The following RAB32 variants were observed in gnomAD, a reference collection of about 807,000 sequenced individuals.
The protein encoded by RAB32 is ras-related protein Rab-32.
Under a neutral mutation model 17.5 loss-of-function variants are expected in RAB32, and 17 were observed. The observed-to-expected ratio is 0.97, with a 90% CI of 0.67 to 1.46. The LOEUF (loss-of-function observed/expected upper bound fraction) is 1.46, where lower values mean the gene tolerates loss of function less well. Among genes scored for constraint, RAB32 ranks in the 40% most tolerant of loss-of-function variants. The pLI, the probability that RAB32 is intolerant of heterozygous loss-of-function variation, is 0.00. For synonymous variants in RAB32, 115 were observed against 111.1 expected (o/e 1.04, Z -0.22); for missense variants, 288 against 284.3 (o/e 1.01, Z -0.09).
At chr6:146,552,216 A>G (rs908797995) in intron 2 of RAB32, among the ~76,000 whole-genome samples, 3 of 152,204 alleles carry the variant, frequency 2.0e-5, no homozygotes, top group African/African-American at 7.2e-5. Flanking sequence ...TAGTTACACT[A>G]TCATTGGAAT....
In RAB32 at chr6:146,543,944, CTCTTCAAGGTGCTGGT is replaced by C; in HGVS notation, c.74_89del (p.Leu25ArgfsTer62). The C allele has an allele frequency of 6.2e-7, 1 of 1,612,112 alleles. No homozygotes were observed. The highest frequency in any genetic ancestry group is 1.7e-5 in the Admixed American group (1 of 59,908). ...CCCAGCGCCCGAGACCCGCGAGCAC[CTCTTCAAGGTGCTGGT>C]GATCGGCGAGCTTGGCGTGGGCAAG... On this transcript the variant is annotated frameshift_variant, in exon 1 of 3. Coordinates refer to ENST00000367495, the MANE Select transcript of RAB32 (RefSeq NM_006834.5). LOFTEE classifies it high-confidence loss of function.
In RAB32 at chr6:146,554,558, C is replaced by G; in HGVS notation, c.631C>G (p.Leu211Val). Residue 211 changes from leucine to valine, a missense_variant, in exon 3 of 3, where the codon CTA (leucine) becomes GTA (valine). Leu to Val is a conservative substitution (Grantham distance 32). Coordinates refer to ENST00000367495, the MANE Select transcript of RAB32 (RefSeq NM_006834.5). The stretch of plus-strand genomic sequence containing the variant: ...AGAAAACGATGTGGACAAAATTAAG[C>G]TAGATCAAGAGACCTTGAGAGCAGA... Reference protein sequence around the residue: ...NEENDVDKIKLDQETLRAENK... With the variant: ...NEENDVDKIKVDQETLRAENK... The G allele has an allele frequency of 1.2e-6, 2 of 1,613,808 alleles. No homozygotes were observed. The highest frequency in any genetic ancestry group is 1.7e-5 in the Admixed American group (1 of 59,984).
chr6:146,546,988 G>A (rs143411525), intron 1 of RAB32, among the ~76,000 whole-genome samples: 51 of 152,130 alleles, frequency 3.4e-4, no homozygotes, highest in African/African-American at 6.0e-4. Context: ...CTGTTCTTAC[G>A]GCATTGAAGG....
Position 146,543,893 on chromosome 6 carries a change from G to T in RAB32, c.22G>T (p.Asp8Tyr). The T allele has an allele frequency of 1.3e-6, 2 of 1,538,244 alleles. No homozygotes were observed. The highest frequency in any genetic ancestry group is 2.4e-5 in the South Asian group (2 of 82,610). Residue 8 changes from aspartate (D) to tyrosine (Y), a missense_variant, in exon 1 of 3, where the codon GAC becomes TAC. Asp to Tyr is a radical substitution (Grantham distance 160, BLOSUM62 -3). Coordinates refer to ENST00000367495, the MANE Select transcript of RAB32 (RefSeq NM_006834.5). Reference sequence around the variant, plus strand: ...GCTCATGGCGGGCGGAGGAGCCGGGGACCCCGGCCTGGGGGCGGCCGCCGC... The same window carrying T: ...GCTCATGGCGGGCGGAGGAGCCGGGTACCCCGGCCTGGGGGCGGCCGCCGC... MAGGGAG[D>Y]PGLGAAAAPA...
intron 2 of RAB32, 61 bp from the exon 3 acceptor site, chr6:146,554,395 A>C (rs967942847): frequency 2.6e-6 from 4 of 1,530,312 alleles, no homozygotes; most frequent in Non-Finnish European, 3.5e-6. Flanking sequence ...TCATACTCTT[A>C]ATGCCTTATT....
chr6:146,544,133 C>T lies in RAB32; in HGVS notation c.250+12C>T, dbSNP rs183557772. The T allele has an allele frequency of 1.9e-5, 30 of 1,602,856 alleles. No homozygotes were observed. The highest frequency in any genetic ancestry group is 2.7e-5 in the African/African-American group (2 of 74,514). On this transcript the variant is annotated intron_variant, in intron 1 of 2. Coordinates refer to ENST00000367495, the MANE Select transcript of RAB32 (RefSeq NM_006834.5). Reference sequence around the variant, plus strand: ...GTGGGACATCGCGGGTAAGCGCGGCCGCGAGTTTCCCACTCCAGAGCCCCG... The same window carrying T: ...GTGGGACATCGCGGGTAAGCGCGGCTGCGAGTTTCCCACTCCAGAGCCCCG...
chr6:146,549,783 A>G (rs753434810), intron 2 of RAB32, 42 bp downstream of exon 2: 2 of 1,583,140 alleles, frequency 1.3e-6, no homozygotes, highest in South Asian at 1.1e-5. Context: ...TTTCTAGCTC[A>G]TAATTCTGAG....
chr6:146,546,775 T>C (rs1445396587), intron 1 of RAB32, among the ~76,000 whole-genome samples: 1 of 149,808 alleles, frequency 6.7e-6, no homozygotes, highest in Non-Finnish European at 1.5e-5. Context: ...GTGTTTTTAC[T>C]AGTTAGGTTT....
At chr6:146,544,794 CT>C in intron 1 of RAB32, among the ~76,000 whole-genome samples, 1 of 146,936 alleles carries the variant, frequency 6.8e-6, no homozygotes, top group Non-Finnish European at 1.5e-5. Flanking sequence ...CCCCCCACTC[CT>C]CAATACAGTG....
intron 2 of RAB32, among the ~76,000 whole-genome samples, chr6:146,554,091 A>T (rs1316185770): frequency 2.0e-5 from 3 of 152,076 alleles, no homozygotes; most frequent in Non-Finnish European, 4.4e-5. Context: ...GTGTATCCTG[A>T]CTGCTTGAAT....
chr6:146,552,056 T>G (rs1779904290), intron 2 of RAB32, among the ~76,000 whole-genome samples: 1 of 152,230 alleles, frequency 6.6e-6, no homozygotes, highest in South Asian at 2.1e-4. Flanking sequence ...GACTTTTGCT[T>G]GAATTGCAGT....
chr6:146,551,294 G>T (rs552154913), intron 2 of RAB32, among the ~76,000 whole-genome samples: 1 of 152,158 alleles, frequency 6.6e-6, no homozygotes, highest in Non-Finnish European at 1.5e-5. Context: ...AATCTGACAC[G>T]AAGGAGAAAA....
chr6:146,545,609 A>G (rs761447892), intron 1 of RAB32, among the ~76,000 whole-genome samples: 2 of 152,238 alleles, frequency 1.3e-5, no homozygotes, highest in Admixed American at 6.5e-5. Flanking sequence ...GAATAACTGT[A>G]TGCAACTCAG....
At chr6:146,544,756 C>T (rs2114780730) in intron 1 of RAB32, among the ~76,000 whole-genome samples, 1 of 144,596 alleles carries the variant, frequency 6.9e-6, no homozygotes, top group East Asian at 2.0e-4. Context: ...CTAGTCCCAT[C>T]CCTGGTGCCC....
chr6:146,544,003 CT>C lies in RAB32; in HGVS notation c.133del (p.Tyr45ThrfsTer47). ...GVGKTSIIKR[Y>X]VHQLFSQHYR... ...TGGGCAAGACCAGCATCATCAAGCGCTACGTCCACCAGCTCTTCTCCCAGCA... is the reference window on the plus strand; with the variant it reads ...TGGGCAAGACCAGCATCATCAAGCGCACGTCCACCAGCTCTTCTCCCAGCA... On this transcript the variant is annotated frameshift_variant, in exon 1 of 3. Transcript: ENST00000367495. LOFTEE classifies it high-confidence loss of function. 6.2e-7 allele frequency: 1 copy of C among 1,613,916 alleles called. No homozygotes were observed. Among genetic ancestry groups the C allele is most frequent in the South Asian group, 1.1e-5 (1 of 91,076 alleles).
chr6:146,544,198 T>A, intron 1 of RAB32, 77 bp downstream of exon 1: 2 of 1,478,080 alleles, frequency 1.4e-6, no homozygotes, highest in Non-Finnish European at 1.8e-6. Flanking sequence ...TTCTTTTTCT[T>A]TTCTGCCTGA....
chr6:146,554,428 A>T (rs2114788547), intron 2 of RAB32, 28 bp from the exon 3 acceptor site: 3 of 1,579,368 alleles, frequency 1.9e-6, no homozygotes, highest in Non-Finnish European at 8.6e-7. Context: ...CCTAAAAATT[A>T]ATCCCGTTCT....
chr6:146,549,464 G>A lies in RAB32; in HGVS notation c.251G>A (p.Gly84Glu). The change falls in exon 2 of 3, where the codon GGG becomes GAG. Residue 84 changes from glycine (G) to glutamate (E), a missense_variant and splice_region_variant. By Grantham distance (98) the Gly-to-Glu change is moderately conservative (BLOSUM62 -2). Coordinates refer to ENST00000367495, the MANE Select transcript of RAB32 (RefSeq NM_006834.5). The stretch of plus-strand genomic sequence containing the variant: ...AATTTTTTCTTATATTTATGTCTAG[G>A]GCAGGAGCGATTTGGCAACATGACC... ...LVRLQLWDIA[G>E]QERFGNMTRV... 6.2e-7 allele frequency: 1 copy of A among 1,612,964 alleles called. No individual in the cohort carries two copies. The highest frequency in any genetic ancestry group is 8.5e-7 in the Non-Finnish European group (1 of 1,179,338).
chr6:146,546,782 G>GTTTT (rs962778741), intron 1 of RAB32, among the ~76,000 whole-genome samples: 21 of 118,448 alleles, frequency 1.8e-4, no homozygotes, highest in African/African-American at 2.8e-4. Context: ...TACTAGTTAG[G>GTTTT]TTTTTTTTTT....
Sources: allele counts gnomAD v4.1 joint callset (sites outside exome capture counted in the v4.1 genomes callset), GRCh38; gene constraint gnomAD v4.1.1; transcripts MANE v1.5; gene names NCBI Gene and HGNC (gene_info 2026-07-23, HGNC 2026-07-21).